Variants in UBE2D1 observed in about 807,000 individuals in gnomAD.
The protein encoded by UBE2D1 is ubiquitin-conjugating enzyme E2 D1.
A neutral mutation model predicts 24.6 loss-of-function variants in UBE2D1; 9 were observed. The ratio of observed to expected loss-of-function variants is 0.37; its 90% CI spans 0.22 to 0.64. UBE2D1 has a LOEUF of 0.64. Ranked by LOEUF, UBE2D1 falls within the 30% of genes least tolerant of loss-of-function variation. UBE2D1 has a pLI of 0.64. For missense variants in UBE2D1, 87 were observed against 177.1 expected (o/e 0.49, Z 2.89); for synonymous variants, 57 against 57.6 (o/e 0.99, Z 0.04).
intron 1 of UBE2D1, among the ~76,000 whole-genome samples, chr10:58,340,632 A>G (rs540217267): frequency 6.6e-6 from 1 of 152,298 alleles, no homozygotes; most frequent in African/African-American, 2.4e-5. Flanking sequence ...ATCTTTTTAT[A>G]TGCCAATGAT....
chr10:58,368,767 A>G lies in UBE2D1; in HGVS notation c.*2A>G. ...TGGACTCAGAAATATGCAATGTAAA[A>G]ATCAAAAACATTTTCATATATACCA... On this transcript the variant is annotated 3_prime_UTR_variant, in exon 7 of 7. Transcript: ENST00000373910. 1 of 1,582,890 alleles carries G rather than the reference A, an allele frequency of 6.3e-7. No individual in the cohort carries two copies. Among genetic ancestry groups the G allele is most frequent in the South Asian group, 1.2e-5 (1 of 86,904 alleles).
At chr10:58,354,556 A>G (rs1188723897) in intron 1 of UBE2D1, among the ~76,000 whole-genome samples, 4 of 152,122 alleles carry the variant, frequency 2.6e-5, no homozygotes, top group Admixed American at 1.3e-4. Context: ...AGATTAGAAC[A>G]ATTTAAATAT....
chr10:58,367,199 C>A (rs1234817765), intron 5 of UBE2D1, among the ~76,000 whole-genome samples: 1 of 151,966 alleles, frequency 6.6e-6, no homozygotes, highest in Non-Finnish European at 1.5e-5. Flanking sequence ...GAGGTTGGTC[C>A]AGAGGTTCCA....
Position 58,347,492 on chromosome 10 carries a change from GT to G in UBE2D1, c.24+12270del, listed in dbSNP as rs145214916. On this transcript the variant is annotated intron_variant, in intron 1 of 6. Coordinates refer to ENST00000373910, the MANE Select transcript of UBE2D1 (RefSeq NM_003338.5). ...GTCCGCCATCTAAACAGGAAGCCATGTTTGAAAGTAGAGGCAAGATAGCATT... is the reference window on the plus strand; with the variant it reads ...GTCCGCCATCTAAACAGGAAGCCATGTTGAAAGTAGAGGCAAGATAGCATT... 3.8e-3 allele frequency among the ~76,000 whole-genome samples: 580 copies of G among 152,284 alleles called. 4 individuals carry two copies. The highest frequency in any genetic ancestry group is 0.013 in the African/African-American group (558 of 41,548).
chr10:58,343,749 A>G (rs1479357932), intron 1 of UBE2D1, among the ~76,000 whole-genome samples: 2 of 150,488 alleles, frequency 1.3e-5, no homozygotes, highest in Non-Finnish European at 2.9e-5. Flanking sequence ...ACTGGATGAT[A>G]CTAACAGAGA....
intron 1 of UBE2D1, among the ~76,000 whole-genome samples, chr10:58,355,003 T>C (rs1316487730): frequency 6.6e-6 from 1 of 152,216 alleles, no homozygotes; most frequent in African/African-American, 2.4e-5. Flanking sequence ...CAAATCTCGT[T>C]ATAGTCAAGC....
intron 3 of UBE2D1, among the ~76,000 whole-genome samples, chr10:58,363,284 C>T (rs1008091866): frequency 6.6e-5 from 10 of 152,084 alleles, no homozygotes; most frequent in African/African-American, 1.4e-4. Flanking sequence ...GTATACTGAT[C>T]TTTAACAATT....
Position 58,336,329 on chromosome 10 carries a change from A to C in UBE2D1, c.24+1104A>C, listed in dbSNP as rs2132310781. ...TGTATTTTGTAGTTGTTTCAGAAGAAATTGATGCCCACATTTTTATCCACT... is the reference window on the plus strand; with the variant it reads ...TGTATTTTGTAGTTGTTTCAGAAGACATTGATGCCCACATTTTTATCCACT... On this transcript the variant is annotated intron_variant, in intron 1 of 6. Coordinates refer to ENST00000373910, the MANE Select transcript of UBE2D1 (RefSeq NM_003338.5). 2.0e-5 allele frequency among the ~76,000 whole-genome samples: 3 copies of C among 152,328 alleles called. No individual in the cohort carries two copies. The South Asian group carries it at 6.2e-4, about 32-fold the overall frequency.
At chr10:58,353,272 A>C (rs1408237930) in intron 1 of UBE2D1, among the ~76,000 whole-genome samples, 1 of 152,208 alleles carries the variant, frequency 6.6e-6, no homozygotes, top group Admixed American at 6.5e-5. Context: ...GTTAGAAAGG[A>C]TGTAGAAGTA....
intron 5 of UBE2D1, among the ~76,000 whole-genome samples, chr10:58,365,257 C>T (rs965751642): frequency 3.3e-5 from 5 of 152,038 alleles, no homozygotes; most frequent in African/African-American, 1.2e-4. Context: ...ATTGCTTGAG[C>T]CCGAGTTCGA....
In UBE2D1 at chr10:58,361,319, T is replaced by G; in HGVS notation, c.25-19T>G. ...GGGAAAAGAAGGAATTAACCTTACA[T>G]ATTTTTGATTTCCTTCAGGAATTGA... On this transcript the variant is annotated intron_variant, in intron 1 of 6. Coordinates refer to ENST00000373910, the MANE Select transcript of UBE2D1 (RefSeq NM_003338.5). 6.2e-7 allele frequency: 1 copy of G among 1,613,624 alleles called. No individual in the cohort carries two copies. The highest frequency in any genetic ancestry group is 1.1e-5 in the South Asian group (1 of 91,080).
At chr10:58,339,267 G>A (rs535083209) in intron 1 of UBE2D1, among the ~76,000 whole-genome samples, 4 of 151,988 alleles carry the variant, frequency 2.6e-5, no homozygotes, top group Admixed American at 2.6e-4. Context: ...CACCACACCT[G>A]GCTAATTTTT....
intron 1 of UBE2D1, among the ~76,000 whole-genome samples, chr10:58,344,046 T>A (rs1839989810): frequency 6.6e-6 from 1 of 152,202 alleles, no homozygotes; most frequent in Admixed American, 6.5e-5. Context: ...TATAATTTCC[T>A]GTAAAGTTTT....
intron 1 of UBE2D1, among the ~76,000 whole-genome samples, chr10:58,344,397 G>A (rs931332955): frequency 1.3e-5 from 2 of 152,152 alleles, no homozygotes; most frequent in African/African-American, 4.8e-5. Flanking sequence ...TTGGCCAGGA[G>A]ACTCAGTCTT....
Position 58,335,040 on chromosome 10 carries a change from G to T in UBE2D1, c.-162G>T, listed in dbSNP as rs574194334. 1.5e-6 allele frequency: 1 copy of T among 664,512 alleles called. No individual in the cohort carries two copies. The highest frequency in any genetic ancestry group is 2.4e-6 in the Non-Finnish European group (1 of 412,990). The allele number at this position is 664,512 out of a possible 1,614,324, so 41.2% of individuals were successfully genotyped here. On this transcript the variant is annotated 5_prime_UTR_variant, in exon 1 of 7. Transcript: ENST00000373910. ...CGCACACTCGCGCTCGGGCGCACAC[G>T]GAGCAGGGACCGGCGCCCGGAGCGA...
At chr10:58,338,312 C>G (rs2132312166) in intron 1 of UBE2D1, among the ~76,000 whole-genome samples, 1 of 152,226 alleles carries the variant, frequency 6.6e-6, no homozygotes, top group East Asian at 1.9e-4. Flanking sequence ...AATAAACTAA[C>G]TATACTAGAA....
intron 5 of UBE2D1, 108 bp from the exon 6 acceptor site, chr10:58,367,815 T>G (rs1589005177): frequency 4.3e-6 from 2 of 462,242 alleles, no homozygotes; most frequent in East Asian, 6.4e-5. Context: ...TCATTTTATG[T>G]TTTTTTTATA....
intron 6 of UBE2D1, 35 bp downstream of exon 6, chr10:58,368,051 AC>A: frequency 6.9e-7 from 1 of 1,448,770 alleles, no homozygotes; most frequent in Non-Finnish European, 9.7e-7. Context: ...CTGTATGGAT[AC>A]ATTCCTATAT....
intron 5 of UBE2D1, among the ~76,000 whole-genome samples, chr10:58,367,442 T>C (rs1235556352): frequency 6.6e-6 from 1 of 152,156 alleles, no homozygotes; most frequent in Admixed American, 6.6e-5. Context: ...TATTTTTAAA[T>C]GCATGCAATA....
Sources: gnomAD v4.1 joint callset for allele counts (sites outside exome capture counted in the v4.1 genomes callset) on GRCh38, gnomAD v4.1.1 for gene constraint, MANE v1.5 for transcripts, NCBI Gene and HGNC (gene_info 2026-07-23, HGNC 2026-07-21) for gene names.